The following EXPH5 variants were observed in gnomAD, a reference collection of about 807,000 sequenced individuals.
The protein encoded by EXPH5 is exophilin-5.
EXPH5 carries 42 observed loss-of-function variants against 41.1 expected under a neutral mutation model. The observed-to-expected ratio is 1.02, with a 90% CI of 0.80 to 1.32. EXPH5 has a LOEUF of 1.32. Ranked by LOEUF, EXPH5 falls within the 40% of genes most tolerant of loss-of-function variation. The probability of loss-of-function intolerance (pLI) is 0.00; values close to 1 mark genes in which losing one functional copy is unlikely to be tolerated. For synonymous variants in EXPH5, 798 were observed against 833.5 expected (o/e 0.96, Z 0.73); for missense variants, 2,298 against 2,314.5 (o/e 0.99, Z 0.15).
chr11:108,596,203 A>AG (rs2094138744), upstream of EXPH5, among the ~76,000 whole-genome samples: 5 of 152,088 alleles, frequency 3.3e-5, no homozygotes, highest in Admixed American at 2.6e-4. Context: ...AAAAAAAAAA[A>AG]TTGAACTTTG....
rs2093675711 is a variant in EXPH5, at chr11:108,510,920, G to A, written c.4587C>T (p.Asn1529=). 1 of 1,614,144 alleles carries A rather than the reference G, an allele frequency of 6.2e-7. No homozygotes were observed. The highest frequency in any genetic ancestry group is 2.2e-5 in the East Asian group (1 of 44,884). ...LGEETQSDEP[N]LESLQSEPRE... is the part of the protein sequence containing the mutation. ...TTGGTTCAGACTGCAGACTCTCTAA[G>A]TTTGGTTCATCTGACTGAGTCTCCT... The change falls in exon 6 of 6, where the codon AAC becomes AAT. Residue 1529 remains asparagine (N), a synonymous_variant. Transcript: ENST00000265843.
intron 4 of EXPH5, among the ~76,000 whole-genome samples, chr11:108,518,871 G>C (rs1337566967): frequency 1.3e-5 from 2 of 152,134 alleles, no homozygotes; most frequent in East Asian, 1.9e-4. Flanking sequence ...CAACAAGACT[G>C]ACCTCTCTGG....
intron 1 of EXPH5, among the ~76,000 whole-genome samples, chr11:108,548,109 T>A (rs1486949262): frequency 8.3e-5 from 9 of 108,186 alleles, no homozygotes; most frequent in African/African-American, 2.8e-4. Flanking sequence ...ACTTCATCTT[T>A]AAAAAAAAAA....
intron 1 of EXPH5, among the ~76,000 whole-genome samples, chr11:108,544,577 A>G (rs2093928884): frequency 6.6e-6 from 1 of 152,208 alleles, no homozygotes; most frequent in East Asian, 1.9e-4. Context: ...CTTCTGGCCA[A>G]TGAAGCCAGA....
intron 1 of EXPH5, among the ~76,000 whole-genome samples, chr11:108,558,477 T>G (rs2852193): frequency 0.56 from 84,174 of 151,638 alleles, 28,058 homozygotes; most frequent in East Asian, 0.73. Context: ...AAGTCCATGT[T>G]TAGCTCAGAT....
intron 3 of EXPH5, among the ~76,000 whole-genome samples, chr11:108,531,129 T>C (rs2093835130): frequency 6.6e-6 from 1 of 152,190 alleles, no homozygotes. Context: ...ATTTCACATA[T>C]ATCCCCACTT....
chr11:108,526,095 T>G (rs537322149), intron 4 of EXPH5, among the ~76,000 whole-genome samples: 16 of 152,000 alleles, frequency 1.1e-4, no homozygotes, highest in African/African-American at 3.4e-4. Flanking sequence ...AAAAAAATTT[T>G]TTTTTTTTGT....
chr11:108,533,387 T>A (rs1283430712), intron 3 of EXPH5, among the ~76,000 whole-genome samples: 2 of 152,124 alleles, frequency 1.3e-5, no homozygotes, highest in Non-Finnish European at 2.9e-5. Flanking sequence ...TAATTTTTAG[T>A]AGAGACAGGG....
chr11:108,601,341 T>C, the EXPH5 span, among the ~76,000 whole-genome samples: 1 of 152,202 alleles, frequency 6.6e-6, no homozygotes, highest in African/African-American at 2.4e-5. Context: ...ATTAATAGCA[T>C]ACTTCAGTTA....
At chr11:108,558,548 C>G (rs1056434797) in intron 1 of EXPH5, among the ~76,000 whole-genome samples, 1 of 152,244 alleles carries the variant, frequency 6.6e-6, no homozygotes, top group Non-Finnish European at 1.5e-5. Flanking sequence ...AAGTCCCAGT[C>G]TGGTATATTG....
intron 1 of EXPH5, among the ~76,000 whole-genome samples, chr11:108,555,134 T>A (rs1204106026): frequency 2.0e-5 from 3 of 152,106 alleles, no homozygotes; most frequent in Non-Finnish European, 4.4e-5. Flanking sequence ...ACAAGAGGAG[T>A]GCACTGGGCA....
chr11:108,556,432 A>T (rs2093990382), intron 1 of EXPH5, among the ~76,000 whole-genome samples: 1 of 152,130 alleles, frequency 6.6e-6, no homozygotes. Context: ...TCAGTACCAG[A>T]CAGTGGCATC....
intron 1 of EXPH5, among the ~76,000 whole-genome samples, chr11:108,547,695 T>C (rs1219300303): frequency 1.3e-5 from 2 of 151,968 alleles, no homozygotes; most frequent in Non-Finnish European, 2.9e-5. Flanking sequence ...TTTAAGAATC[T>C]TTCTTTGTTT....
At position 108,514,746 on chromosome 11, in the gene EXPH5, T is replaced by C; in HGVS notation, c.761A>G (p.Asn254Ser). The C allele has an allele frequency of 6.2e-7, 1 of 1,612,028 alleles. No homozygotes were observed. The highest frequency in any genetic ancestry group is 8.5e-7 in the Non-Finnish European group (1 of 1,179,360). The change falls in exon 6 of 6, where the codon AAT becomes AGT. Residue 254 changes from asparagine to serine, a missense_variant. Coordinates refer to ENST00000265843, the MANE Select transcript of EXPH5 (RefSeq NM_015065.3). ...HFYSSGNRHG[N>S]ITERHKKHYN... ...GTGTTTTTTGTGCCTTTCTGTGATA[T>C]TACCATGTCTGTTACCACTGGAATA...
In EXPH5 at chr11:108,539,131, C is replaced by T. The variant is rs146999560; in HGVS notation, c.336G>A (p.Pro112=). The change falls in exon 3 of 6, where the codon CCG becomes CCA. Residue 112 remains proline, a synonymous_variant. Transcript: ENST00000265843. ...AGCTCATCCGGGAAGAAAAAGGTGTCGGCTTTTTTTGATTAGTTACATTTT... is the reference window on the plus strand; with the variant it reads ...AGCTCATCCGGGAAGAAAAAGGTGTTGGCTTTTTTTGATTAGTTACATTTT... ...RSKNVTNQKK[P]TPFSSRMSFR... 101 of 1,609,984 alleles carry T rather than the reference C, an allele frequency of 6.3e-5. No individual in the cohort carries two copies. Among genetic ancestry groups the T allele is most frequent in the Non-Finnish European group, 8.0e-5 (94 of 1,177,776 alleles).
Position 108,528,161 on chromosome 11 carries a change from G to T in EXPH5, c.467C>A (p.Pro156His), listed in dbSNP as rs769363830. 1 of 1,611,430 alleles carries T rather than the reference G, an allele frequency of 6.2e-7. No individual in the cohort carries two copies. The highest frequency in any genetic ancestry group is 8.5e-7 in the Non-Finnish European group (1 of 1,177,696). ...CACAGCAGCTCCCCTCACAGGCATAGGAGGTCCTGCATGGCCATCACATCT... is the reference window on the plus strand; with the variant it reads ...CACAGCAGCTCCCCTCACAGGCATATGAGGTCCTGCATGGCCATCACATCT... ...QKGCDGHAGP[P>H]MPVRGAAVQA... Residue 156 changes from proline to histidine, a missense_variant, in exon 4 of 6, where the codon CCT becomes CAT. Coordinates refer to ENST00000265843, the MANE Select transcript of EXPH5 (RefSeq NM_015065.3).
At chr11:108,531,305 C>T (rs938985584) in intron 3 of EXPH5, among the ~76,000 whole-genome samples, 2 of 152,190 alleles carry the variant, frequency 1.3e-5, no homozygotes, top group Admixed American at 6.5e-5. Flanking sequence ...AAAATCTTAA[C>T]ATGAGGCCCG....
intron 1 of EXPH5, among the ~76,000 whole-genome samples, chr11:108,551,227 T>C (rs1206824516): frequency 6.6e-6 from 1 of 152,186 alleles, no homozygotes; most frequent in Admixed American, 6.5e-5. Flanking sequence ...TAACCGTGTA[T>C]CTCATTGTCT....
chr11:108,576,258 A>G (rs1312358436), intron 1 of EXPH5, among the ~76,000 whole-genome samples: 1 of 152,246 alleles, frequency 6.6e-6, no homozygotes, highest in Non-Finnish European at 1.5e-5. Context: ...AAAGGAATAA[A>G]GTATTAATAC....
Sources: gnomAD v4.1 joint callset for allele counts (sites outside exome capture counted in the v4.1 genomes callset) on GRCh38, gnomAD v4.1.1 for gene constraint, MANE v1.5 for transcripts, NCBI Gene and HGNC (gene_info 2026-07-23, HGNC 2026-07-21) for gene names.